Variants in SMARCD3 observed in about 807,000 individuals in gnomAD.
SMARCD3 encodes the protein SWI/SNF-related matrix-associated actin-dependent regulator of chromatin subfamily D member 3.
In SMARCD3, 14 loss-of-function variants were observed where a neutral mutation model predicts 58.0. That is an observed-to-expected ratio of 0.24 (90% confidence interval 0.16 to 0.38). SMARCD3 has a LOEUF of 0.38. SMARCD3 is among the 10% of genes least tolerant of loss of function. SMARCD3 has a pLI of 1.00. For missense variants in SMARCD3, 408 were observed against 636.9 expected, an observed-to-expected ratio of 0.64 and a Z score of 3.87; for synonymous variants, 253 against 253.8, an observed-to-expected ratio of 1.00 and a Z score of 0.03.
At chr7:151,263,921 T>C (rs1179772376) in intron 2 of SMARCD3, among the ~76,000 whole-genome samples, 1 of 152,160 alleles carries the variant, frequency 6.6e-6, no homozygotes, top group Non-Finnish European at 1.5e-5. Flanking sequence ...ACCTTGTGGG[T>C]GCCTTCAGCT....
chr7:151,259,879 G>C (rs1344193399), intron 2 of SMARCD3, among the ~76,000 whole-genome samples: 1 of 151,956 alleles, frequency 6.6e-6, no homozygotes, highest in Non-Finnish European at 1.5e-5. Context: ...CAAAGTGCTG[G>C]GATTACAGGC....
chr7:151,239,032 G>A lies in SMARCD3; in HGVS notation c.*71C>T, dbSNP rs1802806345. On this transcript the variant is annotated 3_prime_UTR_variant, in exon 13 of 13. Transcript: ENST00000262188. The surrounding 1 kb of genome is among the most constrained non-coding windows in gnomAD (Gnocchi z 7.0). The stretch of plus-strand genomic sequence containing the variant: ...CCCAAGGTGGCAGAGGAGTGATGCT[G>A]GAGCCCGGGGCAAAATGCTGGGGCC... 1 of 1,470,440 alleles carries A rather than the reference G, an allele frequency of 6.8e-7. No homozygotes were observed. Among genetic ancestry groups the A allele is most frequent in the Admixed American group, 1.7e-5 (1 of 59,828 alleles). 91.1% of individuals were successfully genotyped at this position (1,470,440 alleles called of 1,614,324 possible). A position where few individuals can be genotyped will look rare whatever the true frequency, so the allele number is the denominator to read the frequency against.
chr7:151,264,048 T>C (rs1804001920), intron 2 of SMARCD3, among the ~76,000 whole-genome samples: 1 of 148,166 alleles, frequency 6.7e-6, no homozygotes, highest in Admixed American at 6.8e-5. Flanking sequence ...GTCAGGTTCC[T>C]GAAGACAGGA....
rs1178021160 is a variant in SMARCD3 at position 151,241,695 on chromosome 7, A to G, written c.778-42T>C. On this transcript the variant is annotated intron_variant, in intron 7 of 12. Transcript: ENST00000262188. The surrounding 1 kb of genome is among the most constrained non-coding windows in gnomAD (Gnocchi z 5.3). ...GTGAAAGTTAGACCAAAGGGAGAGA[A>G]AGGAAGGAGCCCAGGGCCAGGCCAT... 1.3e-6 allele frequency: 2 copies of G among 1,580,524 alleles called. No homozygotes were observed. Among genetic ancestry groups the G allele is most frequent in the African/African-American group, 2.7e-5 (2 of 74,284 alleles).
intron 1 of SMARCD3, among the ~76,000 whole-genome samples, chr7:151,275,488 C>T (rs148521471): frequency 3.7e-4 from 57 of 152,256 alleles, no homozygotes; most frequent in Non-Finnish European, 7.4e-4. Context: ...CAGGGTCCTG[C>T]GGGACAAAGA....
At chr7:151,247,401 C>A (rs1482639017) in intron 1 of SMARCD3, among the ~76,000 whole-genome samples, 1 of 152,008 alleles carries the variant, frequency 6.6e-6, no homozygotes, top group African/African-American at 2.4e-5. Context: ...TCCAGGGAGT[C>A]CCCCTCTTCC....
In SMARCD3 at chr7:151,239,008, C is replaced by T; in HGVS notation, c.*95G>A. The T allele has an allele frequency of 7.7e-7, 1 of 1,306,212 alleles. No individual in the cohort carries two copies. The highest frequency in any genetic ancestry group is 1.1e-6 in the Non-Finnish European group (1 of 900,536). 80.9% of individuals were successfully genotyped at this position (1,306,212 alleles called of 1,614,324 possible). On this transcript the variant is annotated 3_prime_UTR_variant, in exon 13 of 13. Coordinates refer to ENST00000262188, the MANE Select transcript of SMARCD3 (RefSeq NM_001003801.2). The surrounding 1 kb of genome is among the most constrained non-coding windows in gnomAD (Gnocchi z 7.0). Reference sequence around the variant, plus strand: ...ATGACTTTTAATCCAGCCCCACACCCCAAGGTGGCAGAGGAGTGATGCTGG... The same window carrying T: ...ATGACTTTTAATCCAGCCCCACACCTCAAGGTGGCAGAGGAGTGATGCTGG...
intron 1 of SMARCD3, among the ~76,000 whole-genome samples, chr7:151,276,409 G>A (rs1795343436): frequency 6.9e-6 from 1 of 145,620 alleles, no homozygotes; most frequent in South Asian, 2.3e-4. Context: ...CAGGCAATGG[G>A]AGGAGGTGGT....
At chr7:151,267,326 G>A (rs1366795989) in intron 2 of SMARCD3, among the ~76,000 whole-genome samples, 1 of 152,220 alleles carries the variant, frequency 6.6e-6, no homozygotes, top group Non-Finnish European at 1.5e-5. Context: ...AAGGCGTAGA[G>A]AGTTCTTTAA....
chr7:151,267,027 A>T (rs1178112746), intron 2 of SMARCD3, among the ~76,000 whole-genome samples: 1 of 152,158 alleles, frequency 6.6e-6, no homozygotes, highest in Non-Finnish European at 1.5e-5. Flanking sequence ...TATTTATACC[A>T]CAGGAATTGG....
chr7:151,271,976 G>C (rs147657105), intron 2 of SMARCD3, among the ~76,000 whole-genome samples: 19 of 152,140 alleles, frequency 1.2e-4, no homozygotes, highest in African/African-American at 4.6e-4. Context: ...AGAGAAAGAG[G>C]GTATTTCCTG....
Position 151,239,988 on chromosome 7 carries a change from C to CTCTTTT in SMARCD3, c.1173+123_1173+124insAAAAGA. On this transcript the variant is annotated intron_variant, in intron 10 of 12. Coordinates refer to ENST00000262188, the MANE Select transcript of SMARCD3 (RefSeq NM_001003801.2). The surrounding 1 kb of genome is among the most constrained non-coding windows in gnomAD (Gnocchi z 7.0). ...GTCCCATTGGCCCAGAGTCTGGTCT[C>CTCTTTT]TTTTTTTTTTTTTTTTTTAATTTAA... The CTCTTTT allele has an allele frequency of 1.2e-6, 1 of 830,298 alleles. No homozygotes were observed. Among genetic ancestry groups the CTCTTTT allele is most frequent in the African/African-American group, 1.8e-5 (1 of 54,300 alleles). 51.4% of individuals were successfully genotyped at this position (830,298 alleles called of 1,614,324 possible).
At chr7:151,268,297 C>T (rs147699754) in intron 2 of SMARCD3, among the ~76,000 whole-genome samples, 24 of 152,344 alleles carry the variant, frequency 1.6e-4, no homozygotes, top group African/African-American at 5.3e-4. Flanking sequence ...GACCACCAGT[C>T]CATTTAGAGA....
In SMARCD3 at chr7:151,242,847, G is replaced by C. The variant is rs1207059392; in HGVS notation, c.334-4C>G. 2 of 1,613,994 alleles carry C rather than the reference G, an allele frequency of 1.2e-6. No homozygotes were observed. Among genetic ancestry groups the C allele is most frequent in the African/African-American group, 2.7e-5 (2 of 74,942 alleles). Reference sequence around the variant, plus strand: ...ACTCGGGGACCAGCTCCCGAATCTGGAGAAGGAGGAGCAGGGCAGGAGTCA... The same window carrying C: ...ACTCGGGGACCAGCTCCCGAATCTGCAGAAGGAGGAGCAGGGCAGGAGTCA... On this transcript the variant is annotated splice_region_variant and splice_polypyrimidine_tract_variant and intron_variant, in intron 3 of 12. Transcript: ENST00000262188. This position sits in a 1 kb window ranked among gnomAD's most constrained non-coding sequence, Gnocchi z 4.7.
Position 151,243,413 on chromosome 7 carries a change from A to G in SMARCD3, c.333+246T>C, listed in dbSNP as rs1421443866. The stretch of plus-strand genomic sequence containing the variant: ...CTAGCTCTTGCCCCCTCCTGGTCCC[A>G]CAGCTCTATAGTACCACTTGGATCA... On this transcript the variant is annotated intron_variant, in intron 3 of 12. Transcript: ENST00000262188. The surrounding 1 kb of genome is among the most constrained non-coding windows in gnomAD (Gnocchi z 4.4). Among the ~76,000 whole-genome samples the G allele has an allele frequency of 6.6e-6, 1 of 152,040 alleles. No homozygotes were observed. Among genetic ancestry groups the G allele is most frequent in the African/African-American group, 2.4e-5 (1 of 41,376 alleles).
In SMARCD3 at chr7:151,243,784, A is replaced by T; in HGVS notation, c.291-83T>A. On this transcript the variant is annotated intron_variant, in intron 2 of 12. Transcript: ENST00000262188. This position sits in a 1 kb window ranked among gnomAD's most constrained non-coding sequence, Gnocchi z 4.4. ...AGGCCACCTGCTAGATTATCCCGAC[A>T]TCTCCGCCCGCCTGGCTGGGGTTCC... 1 of 947,250 alleles carries T rather than the reference A, an allele frequency of 1.1e-6. No homozygotes were observed. 58.7% of individuals were successfully genotyped at this position (947,250 alleles called of 1,614,324 possible). A position where few individuals can be genotyped will look rare whatever the true frequency, so the allele number is the denominator to read the frequency against.
At chr7:151,258,572 A>AG (rs930375821) in intron 2 of SMARCD3, among the ~76,000 whole-genome samples, 1 of 150,990 alleles carries the variant, frequency 6.6e-6, no homozygotes, top group Non-Finnish European at 1.5e-5. Flanking sequence ...CTAAAAAAAA[A>AG]AAAAAAAAGA....
intron 2 of SMARCD3, among the ~76,000 whole-genome samples, chr7:151,266,950 C>T (rs747918497): frequency 2.6e-5 from 4 of 152,128 alleles, no homozygotes; most frequent in Admixed American, 6.6e-5. Context: ...TGGCGTGAAG[C>T]GAGCCTCCCG....
intron 2 of SMARCD3, among the ~76,000 whole-genome samples, chr7:151,258,747 G>A (rs551964885): frequency 5.9e-5 from 9 of 151,692 alleles, no homozygotes; most frequent in Non-Finnish European, 8.8e-5. Flanking sequence ...TATCTCCCCC[G>A]CCACCTTCTC....
Sources: gnomAD v4.1 joint callset for allele counts (sites outside exome capture counted in the v4.1 genomes callset) on GRCh38, gnomAD v4.1.1 for gene constraint, Gnocchi (gnomAD v3.1) non-coding constraint, MANE v1.5 for transcripts, NCBI Gene and HGNC (gene_info 2026-07-23, HGNC 2026-07-21) for gene names.